Variants in SEMA4D observed in about 807,000 individuals in gnomAD.
SEMA4D encodes the protein semaphorin 4D.
SEMA4D carries 22 observed loss-of-function variants against 74.8 expected under a neutral mutation model. The observed-to-expected ratio is 0.29, with a 90% CI of 0.21 to 0.42. The LOEUF is 0.42. SEMA4D is among the 10% of genes least tolerant of loss of function. The probability of loss-of-function intolerance (pLI) is 1.00; values close to 1 mark genes in which losing one functional copy is unlikely to be tolerated. For missense variants in SEMA4D, 937 were observed against 1,118.4 expected (o/e 0.84, Z 2.31); for synonymous variants, 445 against 463.7 (o/e 0.96, Z 0.52).
At chr9:89,463,126 A>G (rs1564883166) in intron 1 of SEMA4D, among the ~76,000 whole-genome samples, 1 of 151,888 alleles carries the variant, frequency 6.6e-6, no homozygotes, top group Admixed American at 6.6e-5. Flanking sequence ...CCCAGTACCC[A>G]CTTCCAGGTT....
intron 4 of SEMA4D, 146 bp downstream of exon 4, chr9:89,402,725 T>C (rs1306791807): frequency 5.1e-6 from 4 of 781,066 alleles, no homozygotes; most frequent in Non-Finnish European, 8.0e-6. Context: ...GGTGAACTGC[T>C]GGTGGACACC....
chr9:89,417,072 A>G (rs1398008334), intron 2 of SEMA4D, among the ~76,000 whole-genome samples: 3 of 152,238 alleles, frequency 2.0e-5, no homozygotes, highest in Non-Finnish European at 4.4e-5. Flanking sequence ...TGCTTAATAC[A>G]GCACAGAATG....
intron 16 of SEMA4D, chr9:89,367,611 C>A (rs1410601164): frequency 6.6e-6 from 1 of 152,288 alleles, no homozygotes; most frequent in African/African-American, 2.4e-5. Flanking sequence ...TTACAAGGAT[C>A]TAGGGTAGAG....
chr9:89,390,301 A>G (rs1425198403), intron 9 of SEMA4D, among the ~76,000 whole-genome samples: 2 of 152,168 alleles, frequency 1.3e-5, no homozygotes, highest in Non-Finnish European at 2.9e-5. Flanking sequence ...CTTGCCCCCA[A>G]CACTGATACT....
chr9:89,379,650 T>C, intron 15 of SEMA4D, 21 bp from the exon 16 acceptor site: 3 of 1,587,462 alleles, frequency 1.9e-6, no homozygotes, highest in Non-Finnish European at 2.6e-6. Flanking sequence ...AAAATAAACG[T>C]GCACAGCGTC....
At chr9:89,407,379 C>T (rs1037326417) in intron 2 of SEMA4D, among the ~76,000 whole-genome samples, 3 of 152,198 alleles carry the variant, frequency 2.0e-5, no homozygotes, top group Admixed American at 6.5e-5. Flanking sequence ...ATGCTGTCAA[C>T]ATGAAGATAA....
chr9:89,473,824 C>T (rs1345331759), intron 1 of SEMA4D, among the ~76,000 whole-genome samples: 1 of 152,110 alleles, frequency 6.6e-6, no homozygotes, highest in African/African-American at 2.4e-5. Flanking sequence ...CACTGCACTC[C>T]AGCCTGGGCA....
chr9:89,389,647 A>C (rs1200743290), intron 9 of SEMA4D, among the ~76,000 whole-genome samples: 1 of 152,224 alleles, frequency 6.6e-6, no homozygotes, highest in East Asian at 1.9e-4. Flanking sequence ...CACAATTATA[A>C]ACTACACATG....
In SEMA4D at chr9:89,385,203, G is replaced by GC. The variant is rs1306030849; in HGVS notation, c.1446+1163dup. The GC allele has an allele frequency of 4.3e-6, 4 of 938,330 alleles. No homozygotes were observed. In the East Asian group the frequency reaches 3.5e-4, roughly 82 times the overall value. The allele number at this position is 938,330 out of a possible 1,614,324, so 58.1% of individuals were successfully genotyped here. ...CCCCCTTCTGCCTTTGAGGATCAGTGCCCATGTGCCCTGGAAGCCTCCACC... is the reference window on the plus strand; with the variant it reads ...CCCCCTTCTGCCTTTGAGGATCAGTGCCCCATGTGCCCTGGAAGCCTCCACC... On this transcript the variant is annotated intron_variant, in intron 13 of 15. Coordinates refer to ENST00000422704, the MANE Select transcript of SEMA4D (RefSeq NM_001371194.2).
At chr9:89,363,892 G>A in exon 17 of SEMA4D, 2 of 1,614,120 alleles carry the variant, frequency 1.2e-6, no homozygotes, top group Non-Finnish European at 1.7e-6. Flanking sequence ...TCTGCACAGG[G>A]ACACAGGTCT....
intron 2 of SEMA4D, among the ~76,000 whole-genome samples, chr9:89,454,230 C>A (rs551705835): frequency 1.3e-5 from 2 of 152,314 alleles, no homozygotes; most frequent in South Asian, 2.1e-4. Flanking sequence ...GAGTCACAAC[C>A]CGGCTTTCTA....
chr9:89,473,403 CATCTAGAGGTCTAG>C (rs1860926200), intron 1 of SEMA4D, among the ~76,000 whole-genome samples: 1 of 151,420 alleles, frequency 6.6e-6, no homozygotes, highest in African/African-American at 2.4e-5. Context: ...AGCAAGACCT[CATCTAGAGGTCTAG>C]ATGAGGTTTT....
intron 13 of SEMA4D, chr9:89,385,865 T>TGGGGGGGGGGGGCC: frequency 4.7e-6 from 1 of 213,330 alleles, no homozygotes; most frequent in Non-Finnish European, 8.0e-6. Context: ...CCAGCGTGGA[T>TGGGGGGGGGGGGCC]GCCCGCCCAC....
At chr9:89,420,611 G>T (rs570495485) in intron 2 of SEMA4D, among the ~76,000 whole-genome samples, 1 of 152,340 alleles carries the variant, frequency 6.6e-6, no homozygotes, top group South Asian at 2.1e-4. Flanking sequence ...CCTTCATCTG[G>T]CCTCCATCCT....
chr9:89,384,937 T>C (rs746344536), intron 13 of SEMA4D: 413 of 985,188 alleles, frequency 4.2e-4, no homozygotes, highest in Non-Finnish European at 4.8e-4. Flanking sequence ...GCAGGCAGGA[T>C]GTATTTCCGC....
chr9:89,460,565 C>T (rs763431596), intron 1 of SEMA4D, among the ~76,000 whole-genome samples: 5 of 152,262 alleles, frequency 3.3e-5, no homozygotes, highest in Non-Finnish European at 7.3e-5. Flanking sequence ...GCTTTGATTT[C>T]TGCCTCCTGG....
chr9:89,426,231 G>T (rs867264947), intron 2 of SEMA4D, among the ~76,000 whole-genome samples: 12 of 152,232 alleles, frequency 7.9e-5, no homozygotes, highest in Admixed American at 5.9e-4. Flanking sequence ...GGCATGAGGG[G>T]ATAGGCCCAG....
intron 4 of SEMA4D, among the ~76,000 whole-genome samples, chr9:89,400,917 C>A (rs961272608): frequency 6.6e-6 from 1 of 152,192 alleles, no homozygotes; most frequent in Non-Finnish European, 1.5e-5. Context: ...GTCCACAATT[C>A]CCCCAAGACC....
At chr9:89,435,763 T>C (rs1228360935) in intron 2 of SEMA4D, among the ~76,000 whole-genome samples, 3 of 152,204 alleles carry the variant, frequency 2.0e-5, no homozygotes, top group Admixed American at 2.0e-4. Context: ...GACAACCTGG[T>C]CTGGGTGCAC....
Sources: allele counts gnomAD v4.1 joint callset (sites outside exome capture counted in the v4.1 genomes callset), GRCh38; gene constraint gnomAD v4.1.1; transcripts MANE v1.5; gene names NCBI Gene and HGNC (gene_info 2026-07-23, HGNC 2026-07-21).